CDK5: variants seen among roughly 807,000 people sequenced by gnomAD.
CDK5 encodes the protein cyclin-dependent kinase 5.
Under a neutral mutation model 44.6 loss-of-function variants are expected in CDK5, and 18 were observed. That is an observed-to-expected ratio of 0.40 (90% CI 0.28 to 0.60). The LOEUF (loss-of-function observed/expected upper bound fraction) is 0.60, where lower values mean the gene tolerates loss of function less well. Among genes scored for constraint, CDK5 ranks in the 20% least tolerant of loss-of-function variants. The probability of loss-of-function intolerance (pLI) is 0.38; values close to 1 mark genes in which losing one functional copy is unlikely to be tolerated. For synonymous variants in CDK5, 143 were observed against 152.8 expected (o/e 0.94, Z 0.47); for missense variants, 198 against 368.1 (o/e 0.54, Z 3.78).
chr7:151,053,924 C>T lies in CDK5; in HGVS notation c.*85G>A, dbSNP rs982108549. 7.3e-6 allele frequency: 9 copies of T among 1,226,854 alleles called. No individual in the cohort carries two copies. In the South Asian group the frequency reaches 9.5e-5, roughly 13 times the overall value. The allele number at this position is 1,226,854 out of a possible 1,614,324, so 76.0% of individuals were successfully genotyped here. On this transcript the variant is annotated 3_prime_UTR_variant, in exon 12 of 12. Transcript: ENST00000485972. ...GGCCCAGCACTGCTGGAGCACAGCG[C>T]ACCAGGCACCCCCACTGTCTCACCC...
Position 151,054,386 on chromosome 7 carries a change from C to G in CDK5, c.711+19G>C. On this transcript the variant is annotated intron_variant, in intron 10 of 11. Transcript: ENST00000485972. The surrounding 1 kb of genome is among the most constrained non-coding windows in gnomAD (Gnocchi z 5.7). ...CGAGTGACCCTGATGAACCATGACC[C>G]CCACATTCCCCATCACACCTTATAG... The G allele has an allele frequency of 6.2e-7, 1 of 1,613,122 alleles. No individual in the cohort carries two copies. Among genetic ancestry groups the G allele is most frequent in the Non-Finnish European group, 8.5e-7 (1 of 1,179,328 alleles).
intron 7 of CDK5, 26 bp from the exon 8 acceptor site, chr7:151,055,399 A>G: frequency 6.3e-7 from 1 of 1,586,262 alleles, no homozygotes; most frequent in Non-Finnish European, 8.7e-7. Context: ...CCCGAAAGGG[A>G]CCTCCCACTT....
chr7:151,057,775 G>T lies in CDK5; in HGVS notation c.37+37C>A. On this transcript the variant is annotated intron_variant, in intron 1 of 11. Transcript: ENST00000485972. This position sits in a 1 kb window ranked among gnomAD's most constrained non-coding sequence, Gnocchi z 5.2. Reference sequence around the variant, plus strand: ...TTCAAGGAATGCCGAAGGATCTGCAGAGGAGCTCTTGCAGGAACATCTCGA... The same window carrying T: ...TTCAAGGAATGCCGAAGGATCTGCATAGGAGCTCTTGCAGGAACATCTCGA... 6.3e-7 allele frequency: 1 copy of T among 1,597,492 alleles called. No homozygotes were observed. Among genetic ancestry groups the T allele is most frequent in the Non-Finnish European group, 8.5e-7 (1 of 1,169,660 alleles).
chr7:151,055,705 T>A, intron 6 of CDK5, 48 bp downstream of exon 6: 1 of 1,547,686 alleles, frequency 6.5e-7, no homozygotes, highest in Non-Finnish European at 8.8e-7. Flanking sequence ...GTGCTCCCCG[T>A]GCCCTGGCCC....
Position 151,054,906 on chromosome 7 carries a change from A to T in CDK5, c.650+121T>A. On this transcript the variant is annotated intron_variant, in intron 9 of 11. Transcript: ENST00000485972. The surrounding 1 kb of genome is among the most constrained non-coding windows in gnomAD (Gnocchi z 5.7). ...ACCCCTGCTCTCTCCCCTTGCCCTC[A>T]GGAGAAGCCCTACAGACCCCATCAC... 1 of 936,694 alleles carries T rather than the reference A, an allele frequency of 1.1e-6. No homozygotes were observed. The highest frequency in any genetic ancestry group is 1.7e-6 in the Non-Finnish European group (1 of 591,514). The allele number at this position is 936,694 out of a possible 1,614,324, so 58.0% of individuals were successfully genotyped here.
Position 151,054,324 on chromosome 7 carries a change from G to T in CDK5, c.712-32C>A, listed in dbSNP as rs760134185. On this transcript the variant is annotated intron_variant, in intron 10 of 11. Transcript: ENST00000485972. This position sits in a 1 kb window ranked among gnomAD's most constrained non-coding sequence, Gnocchi z 5.7. ...AGAGGCAGGGAGGGTCAGACTAGAGGTAGGGGGAGGGGGATGGAGGCGCTA... is the reference window on the plus strand; with the variant it reads ...AGAGGCAGGGAGGGTCAGACTAGAGTTAGGGGGAGGGGGATGGAGGCGCTA... The T allele has an allele frequency of 2.7e-5, 44 of 1,612,664 alleles. No homozygotes were observed. Among genetic ancestry groups the T allele is most frequent in the Non-Finnish European group, 3.5e-5 (41 of 1,178,946 alleles).
In CDK5 at chr7:151,057,373, G is replaced by A. The variant is rs1443824354; in HGVS notation, c.38-213C>T. ...GCTCCAGGGGCTCGGCAGGAGGGGC[G>A]AGTGCGGTTGCCAGGGCAAGGATGT... is the stretch of plus-strand genomic sequence containing the variant. On this transcript the variant is annotated intron_variant, in intron 1 of 11. Transcript: ENST00000485972. This position sits in a 1 kb window ranked among gnomAD's most constrained non-coding sequence, Gnocchi z 5.2. 5 of 610,548 alleles carry A rather than the reference G, an allele frequency of 8.2e-6. No individual in the cohort carries two copies. Among genetic ancestry groups the A allele is most frequent in the African/African-American group, 7.4e-5 (4 of 54,058 alleles). The allele number at this position is 610,548 out of a possible 1,614,324, so 37.8% of individuals were successfully genotyped here. A position where few individuals can be genotyped will look rare whatever the true frequency, so the allele number is the denominator to read the frequency against.
Position 151,056,597 on chromosome 7 carries a change from C to T in CDK5, c.295G>A (p.Asp99Asn). Residue 99 changes from aspartate to asparagine, a missense_variant, in exon 5 of 12, where the codon GAT becomes AAT. Asp to Asn is a conservative substitution (Grantham distance 23, BLOSUM62 1). Coordinates refer to ENST00000485972, the MANE Select transcript of CDK5 (RefSeq NM_004935.4). This position sits in a 1 kb window ranked among gnomAD's most constrained non-coding sequence, Gnocchi z 4.7. ...CTCCTCACCTTTACAATCTCAGGATCGAGGTCACCATTGCAACTGTCAAAA... is the reference window on the plus strand; with the variant it reads ...CTCCTCACCTTTACAATCTCAGGATTGAGGTCACCATTGCAACTGTCAAAA... ...KYFDSCNGDL[D>N]PEIVKSFLFQ... 2 of 1,611,852 alleles carry T rather than the reference C, an allele frequency of 1.2e-6. No individual in the cohort carries two copies. Among genetic ancestry groups the T allele is most frequent in the South Asian group, 1.1e-5 (1 of 90,570 alleles).
intron 6 of CDK5, 69 bp from the exon 7 acceptor site, chr7:151,055,675 C>G: frequency 6.5e-7 from 1 of 1,535,046 alleles, no homozygotes; most frequent in Non-Finnish European, 9.0e-7. Context: ...CAACTCCATC[C>G]TCCCAGTCCT....
Position 151,054,547 on chromosome 7 carries a change from G to A in CDK5, c.651-82C>T. Reference sequence around the variant, plus strand: ...AGGGTGAGGGCCTCTTCCCCTCCTGGGGAGGGATTCCTCATACCCACCGCC... The same window carrying A: ...AGGGTGAGGGCCTCTTCCCCTCCTGAGGAGGGATTCCTCATACCCACCGCC... On this transcript the variant is annotated intron_variant, in intron 9 of 11. Transcript: ENST00000485972. This position sits in a 1 kb window ranked among gnomAD's most constrained non-coding sequence, Gnocchi z 5.7. 1 of 1,361,878 alleles carries A rather than the reference G, an allele frequency of 7.3e-7. No homozygotes were observed. The highest frequency in any genetic ancestry group is 1.0e-6 in the Non-Finnish European group (1 of 980,954). 84.4% of individuals were successfully genotyped at this position (1,361,878 alleles called of 1,614,324 possible). A position where few individuals can be genotyped will look rare whatever the true frequency, so the allele number is the denominator to read the frequency against.
rs1796865821 is a variant in CDK5 at position 151,054,974 on chromosome 7, C to T, written c.650+53G>A. ...CTGCCCTCACCCATTGTGCTCAAAACTCCATGGACTCTCCCCTCCCAGAGG... is the reference window on the plus strand; with the variant it reads ...CTGCCCTCACCCATTGTGCTCAAAATTCCATGGACTCTCCCCTCCCAGAGG... On this transcript the variant is annotated intron_variant, in intron 9 of 11. Transcript: ENST00000485972. The surrounding 1 kb of genome is among the most constrained non-coding windows in gnomAD (Gnocchi z 5.7). 3 of 1,583,154 alleles carry T rather than the reference C, an allele frequency of 1.9e-6. No homozygotes were observed. The highest frequency in any genetic ancestry group is 1.7e-4 in the Middle Eastern group (1 of 6,002).
rs565594413 is a variant in CDK5, at chr7:151,056,047, G to T, written c.313-199C>A. The T allele has an allele frequency of 6.5e-5, 38 of 586,962 alleles. No individual in the cohort carries two copies. Among genetic ancestry groups the T allele is most frequent in the Admixed American group, 6.4e-4 (22 of 34,126 alleles). 36.4% of individuals were successfully genotyped at this position (586,962 alleles called of 1,614,324 possible). A position where few individuals can be genotyped will look rare whatever the true frequency, so the allele number is the denominator to read the frequency against. On this transcript the variant is annotated intron_variant, in intron 5 of 11. Transcript: ENST00000485972. The surrounding 1 kb of genome is among the most constrained non-coding windows in gnomAD (Gnocchi z 4.7). ...GCATTAGAGGGACCAAAGTAAAGAAGCTGGCTCTGGTCCCCACCTTCCTGG... is the reference window on the plus strand; with the variant it reads ...GCATTAGAGGGACCAAAGTAAAGAATCTGGCTCTGGTCCCCACCTTCCTGG...
In CDK5 at chr7:151,054,937, C is replaced by G. The variant is rs1442281130; in HGVS notation, c.650+90G>C. 1.5e-6 allele frequency: 2 copies of G among 1,310,376 alleles called. No individual in the cohort carries two copies. Among genetic ancestry groups the G allele is most frequent in the Non-Finnish European group, 2.2e-6 (2 of 914,484 alleles). The allele number at this position is 1,310,376 out of a possible 1,614,324, so 81.2% of individuals were successfully genotyped here. On this transcript the variant is annotated intron_variant, in intron 9 of 11. Transcript: ENST00000485972. The surrounding 1 kb of genome is among the most constrained non-coding windows in gnomAD (Gnocchi z 5.7). Reference sequence around the variant, plus strand: ...AGCCCTACAGACCCCATCACCCTACCCCACACCATCACTGCCCTCACCCAT... The same window carrying G: ...AGCCCTACAGACCCCATCACCCTACGCCACACCATCACTGCCCTCACCCAT...
At position 151,057,729 on chromosome 7, in the gene CDK5, T is replaced by G. The variant is rs1796928810; in HGVS notation, c.37+83A>C. The G allele has an allele frequency of 2.7e-6, 4 of 1,468,348 alleles. No individual in the cohort carries two copies. The highest frequency in any genetic ancestry group is 2.4e-5 in the South Asian group (2 of 83,598). The allele number at this position is 1,468,348 out of a possible 1,614,324, so 91.0% of individuals were successfully genotyped here. On this transcript the variant is annotated intron_variant, in intron 1 of 11. Coordinates refer to ENST00000485972, the MANE Select transcript of CDK5 (RefSeq NM_004935.4). This position sits in a 1 kb window ranked among gnomAD's most constrained non-coding sequence, Gnocchi z 5.2. Reference sequence around the variant, plus strand: ...TGAGATCGGAGCCTGTAGGCATTGCTGACGGTAAGGGAGCCAGGGCTTCAA... The same window carrying G: ...TGAGATCGGAGCCTGTAGGCATTGCGGACGGTAAGGGAGCCAGGGCTTCAA...
In CDK5 at chr7:151,057,678, TA is replaced by T. The variant is rs996307138; in HGVS notation, c.37+133del. 7.5e-6 allele frequency: 7 copies of T among 938,254 alleles called. No individual in the cohort carries two copies. In the South Asian group the frequency reaches 9.7e-5, roughly 13 times the overall value. The allele number at this position is 938,254 out of a possible 1,614,324, so 58.1% of individuals were successfully genotyped here. On this transcript the variant is annotated intron_variant, in intron 1 of 11. Coordinates refer to ENST00000485972, the MANE Select transcript of CDK5 (RefSeq NM_004935.4). The surrounding 1 kb of genome is among the most constrained non-coding windows in gnomAD (Gnocchi z 5.2). ...CTGGTGTCTGCACGGAGTGCTGAGC[TA>T]GGGGGCCAGGGCTGCAGCCGCTGCT...
rs546996892 is a variant in CDK5 at position 151,056,321 on chromosome 7, C to T, written c.312+259G>A. On this transcript the variant is annotated intron_variant, in intron 5 of 11. Transcript: ENST00000485972. The surrounding 1 kb of genome is among the most constrained non-coding windows in gnomAD (Gnocchi z 4.7). The stretch of plus-strand genomic sequence containing the variant: ...GTATGTGTTGAATGAATGAGTGTAT[C>T]TCCTTGAACCTCATTTTCTCATCTC... The T allele has an allele frequency of 6.8e-6, 4 of 587,706 alleles. No individual in the cohort carries two copies. The highest frequency in any genetic ancestry group is 3.7e-5 in the African/African-American group (2 of 53,784). The allele number at this position is 587,706 out of a possible 1,614,324, so 36.4% of individuals were successfully genotyped here.
At position 151,057,355 on chromosome 7, in the gene CDK5, G is replaced by GGGAGGAGAAGGTGCCCACCGA; in HGVS notation, c.38-196_38-195insTCGGTGGGCACCTTCTCCTCC. On this transcript the variant is annotated intron_variant, in intron 1 of 11. Transcript: ENST00000485972. This position sits in a 1 kb window ranked among gnomAD's most constrained non-coding sequence, Gnocchi z 5.2. ...GAGAAGGTGCCCACCGAGGCTCCAG[G>GGGAGGAGAAGGTGCCCACCGA]GGCTCGGCAGGAGGGGCGAGTGCGG... 1 of 624,600 alleles carries GGGAGGAGAAGGTGCCCACCGA rather than the reference G, an allele frequency of 1.6e-6. No individual in the cohort carries two copies. The highest frequency in any genetic ancestry group is 1.8e-5 in the African/African-American group (1 of 54,802). The allele number at this position is 624,600 out of a possible 1,614,324, so 38.7% of individuals were successfully genotyped here. A position where few individuals can be genotyped will look rare whatever the true frequency, so the allele number is the denominator to read the frequency against.
chr7:151,057,524 TGAG>T lies in CDK5; in HGVS notation c.37+285_37+287del. 3.3e-6 allele frequency: 2 copies of T among 597,116 alleles called. No individual in the cohort carries two copies. The highest frequency in any genetic ancestry group is 5.6e-5 in the East Asian group (2 of 35,628). The allele number at this position is 597,116 out of a possible 1,614,324, so 37.0% of individuals were successfully genotyped here. On this transcript the variant is annotated intron_variant, in intron 1 of 11. Transcript: ENST00000485972. This position sits in a 1 kb window ranked among gnomAD's most constrained non-coding sequence, Gnocchi z 5.2. ...CAAGAAACGAGGCTGGGGGTCGGGG[TGAG>T]GTTGTCCAAGTGCTGCTGAGGCTGG...
chr7:151,055,695 G>T, intron 6 of CDK5, 58 bp downstream of exon 6: 1 of 1,531,114 alleles, frequency 6.5e-7, no homozygotes, highest in Non-Finnish European at 9.0e-7. Flanking sequence ...TCTTCCCTCT[G>T]TGCTCCCCGT....
Sources: allele counts gnomAD v4.1 joint callset, GRCh38; gene constraint gnomAD v4.1.1; non-coding constraint Gnocchi (gnomAD v3.1); transcripts MANE v1.5; gene names NCBI Gene and HGNC (gene_info 2026-07-23, HGNC 2026-07-21).